DOCK5: variants seen among roughly 807,000 people sequenced by gnomAD.
DOCK5 encodes the protein dedicator of cytokinesis 5.
A neutral mutation model predicts 251.8 loss-of-function variants in DOCK5; 142 were observed. The ratio of observed to expected loss-of-function variants is 0.56; its 90% CI spans 0.49 to 0.65. DOCK5 has a LOEUF of 0.65. Ranked by LOEUF, DOCK5 falls within the 30% of genes least tolerant of loss-of-function variation. DOCK5 has a pLI of 0.00. For synonymous variants in DOCK5, 842 were observed against 835.5 expected (o/e 1.01, Z -0.13); for missense variants, 2,111 against 2,312.3 (o/e 0.91, Z 1.79).
At chr8:25,408,658 C>T in intron 49 of DOCK5, 144 bp from the exon 50 acceptor site, 4 of 866,882 alleles carry the variant, frequency 4.6e-6, no homozygotes, top group Non-Finnish European at 7.2e-6. Context: ...TTCGGTGTTG[C>T]CCATCATATG....
chr8:25,308,635 TGGAAAAATAAA>T, intron 11 of DOCK5, 137 bp from the exon 12 acceptor site: 1 of 913,928 alleles, frequency 1.1e-6, no homozygotes, highest in Non-Finnish European at 1.6e-6. Context: ...TGACACAAAA[TGGAAAAATAAA>T]GGAAAGATAG....
rs1260346263 is a variant in DOCK5 at position 25,389,071 on chromosome 8, T to C, written c.4132-20T>C. 1.9e-6 allele frequency: 3 copies of C among 1,611,742 alleles called. No individual in the cohort carries two copies. The highest frequency in any genetic ancestry group is 2.5e-6 in the Non-Finnish European group (3 of 1,178,264). On this transcript the variant is annotated intron_variant, in intron 40 of 51. Transcript: ENST00000276440. Reference sequence around the variant, plus strand: ...CACTCTTCCTATGTAATGACTTCCCTTTCTGTGTCTCACCTGCAGAATAAA... The same window carrying C: ...CACTCTTCCTATGTAATGACTTCCCCTTCTGTGTCTCACCTGCAGAATAAA...
intron 1 of DOCK5, among the ~76,000 whole-genome samples, chr8:25,227,687 C>T (rs181195667): frequency 6.6e-6 from 1 of 152,222 alleles, no homozygotes; most frequent in Admixed American, 6.5e-5. Flanking sequence ...AGGTTCTAAT[C>T]CTATTTAAAT....
chr8:25,333,236 G>T (rs2468896), intron 20 of DOCK5, among the ~76,000 whole-genome samples: 101,238 of 152,154 alleles, frequency 0.67, 35,701 homozygotes, highest in Non-Finnish European at 0.78. Context: ...AAGCTGAAAG[G>T]CTCAAAGCAA....
At chr8:25,195,546 C>G (rs899375945) in intron 1 of DOCK5, among the ~76,000 whole-genome samples, 8 of 152,162 alleles carry the variant, frequency 5.3e-5, no homozygotes. Flanking sequence ...GCATTCCAGC[C>G]ACACCAGCTT....
At position 25,391,201 on chromosome 8, in the gene DOCK5, GTGTGTGTGTGTGTGTGTGTGT is replaced by G. The variant is rs1801253792; in HGVS notation, c.4356-694_4356-674del. On this transcript the variant is annotated intron_variant, in intron 42 of 51. Coordinates refer to ENST00000276440, the MANE Select transcript of DOCK5 (RefSeq NM_024940.8). ...CTGGGACATACACCACCACACCTGT[GTGTGTGTGTGTGTGTGTGTGT>G]GTGTGTGTGTGTGTGTGTGTGTGTG... Among the ~76,000 whole-genome samples, 411 of 139,726 alleles carry G rather than the reference GTGTGTGTGTGTGTGTGTGTGT, an allele frequency of 2.9e-3. 2 individuals are homozygous for G. In the East Asian group the frequency reaches 0.033, roughly 11 times the overall value. 91.7% of individuals were successfully genotyped at this position (139,726 alleles called of 152,430 possible).
At chr8:25,228,844 T>C (rs1802595404) in intron 1 of DOCK5, among the ~76,000 whole-genome samples, 1 of 152,238 alleles carries the variant, frequency 6.6e-6, no homozygotes, top group Non-Finnish European at 1.5e-5. Context: ...ATGTTTTATT[T>C]AGAGAATTGA....
intron 2 of DOCK5, among the ~76,000 whole-genome samples, chr8:25,252,990 C>G (rs941885673): frequency 2.0e-5 from 3 of 152,110 alleles, no homozygotes; most frequent in African/African-American, 7.2e-5. Context: ...TGCCACCACG[C>G]CCAGCTAATT....
intron 2 of DOCK5, among the ~76,000 whole-genome samples, chr8:25,249,536 G>A (rs557898897): frequency 3.3e-5 from 5 of 152,306 alleles, no homozygotes; most frequent in Admixed American, 2.0e-4. Flanking sequence ...TTTCATGTAA[G>A]TGGAATCACA....
chr8:25,316,302 A>T (rs1255880264), intron 13 of DOCK5, among the ~76,000 whole-genome samples: 1 of 152,146 alleles, frequency 6.6e-6, no homozygotes, highest in African/African-American at 2.4e-5. Context: ...CAATGTAGTG[A>T]GACCCCTTCT....
In DOCK5 at chr8:25,341,708, A is replaced by G. The variant is rs200060683; in HGVS notation, c.2440-31A>G. 2.9e-5 allele frequency: 45 copies of G among 1,551,280 alleles called. No individual in the cohort carries two copies. The East Asian group carries it at 9.9e-4, about 34-fold the overall frequency. ...AATACTGTATTTGTCTTGCCTGGCA[A>G]CTGAATTTGCCTTTGGTGTTTTTCT... is the stretch of plus-strand genomic sequence containing the variant. On this transcript the variant is annotated intron_variant, in intron 23 of 51. Transcript: ENST00000276440.
intron 1 of DOCK5, among the ~76,000 whole-genome samples, chr8:25,195,250 A>AC (rs1801692213): frequency 1.0e-5 from 1 of 97,696 alleles, no homozygotes; most frequent in Non-Finnish European, 1.9e-5. Flanking sequence ...ACTCCTTATC[A>AC]CTTTTTTTTT....
chr8:25,268,573 A>G (rs753111955), intron 2 of DOCK5, among the ~76,000 whole-genome samples: 18 of 152,056 alleles, frequency 1.2e-4, no homozygotes, highest in Non-Finnish European at 2.4e-4. Flanking sequence ...TTTTTTTGCT[A>G]TTGTTCTATT....
At chr8:25,259,575 C>T (rs772801737) in intron 2 of DOCK5, among the ~76,000 whole-genome samples, 51 of 152,174 alleles carry the variant, frequency 3.4e-4, no homozygotes, top group Non-Finnish European at 5.1e-4. Flanking sequence ...CCCGCCTCAG[C>T]TTCCTGAGTA....
rs1802136295 is a variant in DOCK5, at chr8:25,212,812, C to T, written c.43+27861C>T. Among the ~76,000 whole-genome samples the T allele has an allele frequency of 2.9e-5, 2 of 69,376 alleles. 1 individual carries two copies. Among genetic ancestry groups the T allele is most frequent in the South Asian group, 7.9e-4 (2 of 2,546 alleles). 45.5% of individuals were successfully genotyped at this position (69,376 alleles called of 152,430 possible). A position where few individuals can be genotyped will look rare whatever the true frequency, so the allele number is the denominator to read the frequency against. ...TGATTCTAGATGGGGCTGACACCAT[C>T]CTCTACCCTCCCCAGCCATGGCAGG... On this transcript the variant is annotated intron_variant, in intron 1 of 51. Transcript: ENST00000276440.
At chr8:25,330,616 A>C (rs985904367) in intron 18 of DOCK5, among the ~76,000 whole-genome samples, 1 of 152,128 alleles carries the variant, frequency 6.6e-6, no homozygotes, top group Non-Finnish European at 1.5e-5. Flanking sequence ...TACATTCTCT[A>C]TGTGGCATTG....
chr8:25,232,373 C>T (rs1018188181), intron 1 of DOCK5, among the ~76,000 whole-genome samples: 3 of 152,162 alleles, frequency 2.0e-5, no homozygotes, highest in African/African-American at 4.8e-5. Context: ...TATGCAGGAC[C>T]AACACAGCCT....
At chr8:25,272,724 A>G (rs957152470) in intron 3 of DOCK5, among the ~76,000 whole-genome samples, 2 of 152,150 alleles carry the variant, frequency 1.3e-5, no homozygotes, top group African/African-American at 4.8e-5. Context: ...AAAATTTACC[A>G]TCTTAACCAT....
intron 37 of DOCK5, chr8:25,376,315 A>G (rs1452587893): frequency 3.0e-6 from 3 of 985,388 alleles, no homozygotes; most frequent in Non-Finnish European, 3.6e-6. Context: ...TTGCTATTCA[A>G]TAGAGATGCT....
Sources: gnomAD v4.1 joint callset for allele counts (sites outside exome capture counted in the v4.1 genomes callset) on GRCh38, gnomAD v4.1.1 for gene constraint, MANE v1.5 for transcripts, NCBI Gene and HGNC (gene_info 2026-07-23, HGNC 2026-07-21) for gene names.